Variants in PTPRQ observed in about 807,000 individuals in gnomAD.
PTPRQ encodes phosphatidylinositol phosphatase PTPRQ.
Under a neutral mutation model 246.0 loss-of-function variants are expected in PTPRQ, and 199 were observed. The observed-to-expected ratio is 0.81, with a 90% CI of 0.72 to 0.91. The LOEUF (loss-of-function observed/expected upper bound fraction) is 0.91, where lower values mean the gene tolerates loss of function less well. Among genes scored for constraint, PTPRQ ranks in the 40% least tolerant of loss-of-function variants. The probability of loss-of-function intolerance (pLI) is 0.00; values close to 1 mark genes in which losing one functional copy is unlikely to be tolerated. For missense variants in PTPRQ, 2,624 were observed against 2,528.4 expected (o/e 1.04, Z -0.81); for synonymous variants, 869 against 853.2 (o/e 1.02, Z -0.32).
chr12:80,477,895 G>C (rs192342867), intron 8 of PTPRQ, among the ~76,000 whole-genome samples: 1 of 152,132 alleles, frequency 6.6e-6, no homozygotes, highest in Non-Finnish European at 1.5e-5. Context: ...ACGGAGTCTC[G>C]CTGATTGCTA....
At position 80,496,310 on chromosome 12, in the gene PTPRQ, T is replaced by A; in HGVS notation, c.2051T>A (p.Leu684Ter). 1 of 1,550,762 alleles carries A rather than the reference T, an allele frequency of 6.4e-7. No homozygotes were observed. The highest frequency in any genetic ancestry group is 8.7e-7 in the Non-Finnish European group (1 of 1,146,462). The change falls in exon 14 of 45, where the codon TTG (leucine) becomes TAG (stop). Residue 684 changes from leucine (L) to a stop codon, truncating the protein, a stop_gained. Transcript: ENST00000644991. LOFTEE classifies it high-confidence loss of function. Reference sequence around the variant, plus strand: ...GATGTTACCGCAGATGAAATAAGGTTGAAGTGGTCACCACCCGAAAAGCCC... The same window carrying A: ...GATGTTACCGCAGATGAAATAAGGTAGAAGTGGTCACCACCCGAAAAGCCC... ...VIDVTADEIR[L>*]KWSPPEKPNG... is the part of the protein sequence containing the mutation.
At chr12:80,449,851 C>T (rs11114447) in intron 3 of PTPRQ, among the ~76,000 whole-genome samples, 69,209 of 151,512 alleles carry the variant, frequency 0.46, 18,741 homozygotes, top group South Asian at 0.63. Flanking sequence ...ATTGACTTGG[C>T]GATGTGGGCT....
intron 25 of PTPRQ, among the ~76,000 whole-genome samples, chr12:80,558,191 A>G (rs955092253): frequency 6.9e-5 from 5 of 72,298 alleles, no homozygotes; most frequent in Non-Finnish European, 1.4e-4. Flanking sequence ...TCTTTTTGAA[A>G]CAGTCTTGCT....
At chr12:80,557,199 A>G (rs1459460228) in intron 25 of PTPRQ, among the ~76,000 whole-genome samples, 1 of 152,028 alleles carries the variant, frequency 6.6e-6, no homozygotes, top group Non-Finnish European at 1.5e-5. Flanking sequence ...TTCTCAATCC[A>G]GTTATCTGTC....
At chr12:80,538,777 A>T (rs7978943) in intron 19 of PTPRQ, among the ~76,000 whole-genome samples, 33,235 of 117,486 alleles carry the variant, frequency 0.28, 5,772 homozygotes, top group African/African-American at 0.59. Flanking sequence ...GTTTTTTTTT[A>T]ATTGTGTGCT....
intron 7 of PTPRQ, among the ~76,000 whole-genome samples, chr12:80,469,266 CTG>C (rs995322477): frequency 6.6e-6 from 1 of 152,130 alleles, no homozygotes; most frequent in African/African-American, 2.4e-5. Context: ...TGGAAAATCT[CTG>C]TATCTTCTGC....
At chr12:80,582,454 T>G (rs1463877421) in intron 25 of PTPRQ, among the ~76,000 whole-genome samples, 1 of 152,138 alleles carries the variant, frequency 6.6e-6, no homozygotes, top group African/African-American at 2.4e-5. Flanking sequence ...GGTGAGGCCT[T>G]TCAGAGGTAA....
At chr12:80,543,323 T>C (rs1363631624) in intron 23 of PTPRQ, among the ~76,000 whole-genome samples, 3 of 133,156 alleles carry the variant, frequency 2.3e-5, no homozygotes, top group Admixed American at 8.2e-5. Context: ...ATTGGTCTTT[T>C]ACGATATATC....
chr12:80,650,854 G>A (rs1198693665), intron 37 of PTPRQ, among the ~76,000 whole-genome samples: 1 of 151,870 alleles, frequency 6.6e-6, no homozygotes, highest in Non-Finnish European at 1.5e-5. Flanking sequence ...AAAGTTTCTA[G>A]TTTAAGTTTT....
Position 80,610,535 on chromosome 12 carries a change from G to C in PTPRQ, c.4828G>C (p.Val1610Leu), listed in dbSNP as rs538659859. Residue 1610 changes from valine to leucine, a missense_variant, in exon 28 of 45, where the codon GTA becomes CTA. Transcript: ENST00000644991. ...KDLEIFTRYS[V>L]VITAFTGNIS... ...TTTAGAAATATTCACAAGGTATTCT[G>C]TAGTGATCACTGCATTTACTGGGAA... 3 of 1,542,840 alleles carry C rather than the reference G, an allele frequency of 1.9e-6. No homozygotes were observed. Among genetic ancestry groups the C allele is most frequent in the South Asian group, 2.4e-5 (2 of 83,624 alleles).
chr12:80,566,354 T>C (rs1896979145), intron 25 of PTPRQ, among the ~76,000 whole-genome samples: 1 of 152,040 alleles, frequency 6.6e-6, no homozygotes, highest in African/African-American at 2.4e-5. Context: ...GGCAGGTGCC[T>C]GTAGTCCCAG....
chr12:80,667,244 C>T (rs556871377), intron 39 of PTPRQ, among the ~76,000 whole-genome samples: 40 of 151,940 alleles, frequency 2.6e-4, no homozygotes, highest in Admixed American at 1.5e-3. Context: ...TCTTTTCCCC[C>T]GAATCCTGCA....
chr12:80,654,435 G>A (rs1900361762), intron 38 of PTPRQ, among the ~76,000 whole-genome samples: 1 of 152,102 alleles, frequency 6.6e-6, no homozygotes, highest in African/African-American at 2.4e-5. Context: ...ATATTTATCT[G>A]CACCTAAATT....
chr12:80,526,942 T>C (rs1895704454), intron 17 of PTPRQ, among the ~76,000 whole-genome samples: 1 of 152,082 alleles, frequency 6.6e-6, no homozygotes, highest in Non-Finnish European at 1.5e-5. Context: ...ATTATTTAAG[T>C]AATTTTTTCC....
At chr12:80,520,870 A>T (rs914370262) in intron 17 of PTPRQ, among the ~76,000 whole-genome samples, 2 of 152,062 alleles carry the variant, frequency 1.3e-5, no homozygotes, top group Non-Finnish European at 2.9e-5. Flanking sequence ...CTTTGGGTAT[A>T]TATCCAGTAA....
intron 38 of PTPRQ, among the ~76,000 whole-genome samples, chr12:80,657,501 CTA>C (rs972671739): frequency 1.4e-4 from 21 of 151,586 alleles, no homozygotes; most frequent in African/African-American, 4.3e-4. Context: ...AAGTACACTC[CTA>C]TATATATGCA....
intron 42 of PTPRQ, among the ~76,000 whole-genome samples, chr12:80,672,751 A>G (rs1485659762): frequency 1.3e-5 from 2 of 152,140 alleles, no homozygotes; most frequent in East Asian, 3.9e-4. Context: ...TTCAAAATGA[A>G]ACAAAGAAAA....
intron 34 of PTPRQ, among the ~76,000 whole-genome samples, chr12:80,632,699 A>G (rs1173580613): frequency 6.6e-6 from 1 of 152,184 alleles, no homozygotes; most frequent in East Asian, 1.9e-4. Flanking sequence ...CAAGACTTAC[A>G]TGGAATCGCT....
At chr12:80,485,480 C>T (rs1329151005) in intron 9 of PTPRQ, among the ~76,000 whole-genome samples, 2 of 152,092 alleles carry the variant, frequency 1.3e-5, no homozygotes, top group Admixed American at 6.6e-5. Flanking sequence ...CTGTTATTTT[C>T]CCCCACACAT....
Sources: gnomAD v4.1 joint callset for allele counts (sites outside exome capture counted in the v4.1 genomes callset) on GRCh38, gnomAD v4.1.1 for gene constraint, MANE v1.5 for transcripts, NCBI Gene and HGNC (gene_info 2026-07-23, HGNC 2026-07-21) for gene names.